UNC79: variants seen among roughly 807,000 people sequenced by gnomAD.
UNC79 encodes protein unc-79 homolog.
A neutral mutation model predicts 283.1 loss-of-function variants in UNC79; 37 were observed. The observed-to-expected ratio is 0.13, with a 90% CI of 0.10 to 0.17. The LOEUF is 0.17. Ranked by LOEUF, UNC79 falls within the 10% of genes least tolerant of loss-of-function variation. The probability of loss-of-function intolerance (pLI) is 1.00; values close to 1 mark genes in which losing one functional copy is unlikely to be tolerated. For missense variants in UNC79, 2,272 were observed against 3,211.1 expected, an observed-to-expected ratio of 0.71 and a Z score of 7.07; for synonymous variants, 1,107 against 1,200.2, an observed-to-expected ratio of 0.92 and a Z score of 1.61.
chr14:93,453,808 A>G (rs1319146769), intron 1 of UNC79, among the ~76,000 whole-genome samples: 1 of 152,218 alleles, frequency 6.6e-6, no homozygotes, highest in Non-Finnish European at 1.5e-5. Flanking sequence ...CCAACATTCA[A>G]CTTGAAGAAA....
chr14:93,389,437 G>T lies in UNC79; in HGVS notation c.-351+55914G>T, dbSNP rs565119066. 7.2e-5 allele frequency among the ~76,000 whole-genome samples: 11 copies of T among 152,226 alleles called. No homozygotes were observed. The South Asian group carries it at 2.3e-3, about 32-fold the overall frequency. ...CCCTGTGAGAAGGAGAAAAAAACTA[G>T]GTGAATCCTACAGTTGTCCAGTTCC... is the stretch of plus-strand genomic sequence containing the variant. On this transcript the variant is annotated intron_variant, in intron 1 of 49. Coordinates refer to the UNC79 transcript ENST00000256339.
intron 1 of UNC79, among the ~76,000 whole-genome samples, chr14:93,346,798 A>C (rs1186138251): frequency 1.3e-5 from 2 of 151,994 alleles, no homozygotes; most frequent in Non-Finnish European, 2.9e-5. Context: ...GAAAAGAGAT[A>C]CTTAGTGTGA....
chr14:93,427,393 GAT>G (rs910789566), upstream of UNC79, among the ~76,000 whole-genome samples: 7 of 152,020 alleles, frequency 4.6e-5, no homozygotes, highest in African/African-American at 1.2e-4. Context: ...GTTTTAAAAA[GAT>G]ATGTATAGTG....
chr14:93,597,487 G>C, exon 24 of UNC79: 1 of 1,614,074 alleles, frequency 6.2e-7, no homozygotes, highest in Non-Finnish European at 8.5e-7. Flanking sequence ...CAACCCCGCA[G>C]TGGCTACCAG....
intron 39 of UNC79, 136 bp downstream of exon 42, chr14:93,659,397 A>G (rs764345772): frequency 3.0e-6 from 2 of 670,870 alleles, no homozygotes; most frequent in Non-Finnish European, 4.9e-6. Flanking sequence ...CTTTTTCTTC[A>G]TGCTAGGTCA....
At chr14:93,619,070 T>C (rs1394451395) in intron 29 of UNC79, among the ~76,000 whole-genome samples, 1 of 152,184 alleles carries the variant, frequency 6.6e-6, no homozygotes, top group Non-Finnish European at 1.5e-5. Flanking sequence ...CACTGACCCT[T>C]TATGAGGTTA....
chr14:93,638,423 A>G (rs552375925), intron 32 of UNC79, among the ~76,000 whole-genome samples: 105 of 152,360 alleles, frequency 6.9e-4, no homozygotes, highest in African/African-American at 2.5e-3. Context: ...ACTCAGTAGC[A>G]GCAAAAGTGG....
intron 7 of UNC79, among the ~76,000 whole-genome samples, chr14:93,504,557 G>A (rs969415228): frequency 1.5e-4 from 23 of 148,588 alleles, no homozygotes; most frequent in Non-Finnish European, 2.7e-4. Context: ...ATGTGTAGAT[G>A]TCTTGCATAT....
intron 7 of UNC79, among the ~76,000 whole-genome samples, chr14:93,513,302 A>T (rs1403696240): frequency 1.3e-5 from 2 of 150,916 alleles, no homozygotes; most frequent in East Asian, 3.9e-4. Context: ...GCTCACTGCA[A>T]TCTTGAACTC....
intron 7 of UNC79, among the ~76,000 whole-genome samples, chr14:93,515,021 T>A (rs943043678): frequency 1.3e-5 from 2 of 152,174 alleles, no homozygotes; most frequent in Non-Finnish European, 2.9e-5. Flanking sequence ...CTCTCGTACA[T>A]CCTTTTATGC....
chr14:93,447,911 G>A (rs1286609924), intron 1 of UNC79, among the ~76,000 whole-genome samples: 1 of 151,944 alleles, frequency 6.6e-6, no homozygotes, highest in Non-Finnish European at 1.5e-5. Context: ...TTTAAGATCT[G>A]CTCTTTATTT....
chr14:93,350,542 T>C (rs2053963018), intron 1 of UNC79, among the ~76,000 whole-genome samples: 1 of 152,176 alleles, frequency 6.6e-6, no homozygotes, highest in Admixed American at 6.5e-5. Flanking sequence ...AGGAACGTTG[T>C]AAGTAATTAA....
At chr14:93,530,131 AC>A (rs2060737099) in intron 10 of UNC79, among the ~76,000 whole-genome samples, 1 of 152,082 alleles carries the variant, frequency 6.6e-6, no homozygotes, top group East Asian at 1.9e-4. Flanking sequence ...ACATGGTGAA[AC>A]CCCGTATAAA....
chr14:93,561,673 TA>T (rs767611949), intron 14 of UNC79, among the ~76,000 whole-genome samples: 11 of 151,958 alleles, frequency 7.2e-5, no homozygotes, highest in Non-Finnish European at 1.2e-4. Context: ...AGATTGAGTA[TA>T]AAAATAAAGA....
At chr14:93,526,927 A>AT (rs1192323924) in intron 8 of UNC79, among the ~76,000 whole-genome samples, 1 of 152,206 alleles carries the variant, frequency 6.6e-6, no homozygotes, top group African/African-American at 2.4e-5. Flanking sequence ...TTTGGGGAAA[A>AT]TTGATTAATC....
At chr14:93,684,636 TA>T (rs971444557) in intron 42 of UNC79, among the ~76,000 whole-genome samples, 4 of 152,110 alleles carry the variant, frequency 2.6e-5, no homozygotes, top group African/African-American at 9.7e-5. Context: ...TTAGAAAAAT[TA>T]AAAAAACTTG....
chr14:93,532,453 G>C, intron 10 of UNC79, 97 bp from the exon 11 acceptor site: 1 of 1,398,906 alleles, frequency 7.1e-7, no homozygotes. Flanking sequence ...CTGATTGACA[G>C]AGTGAGCCAC....
chr14:93,705,347 CAAAAAAAAAAAAAA>C (rs71129656), intron 48 of UNC79, among the ~76,000 whole-genome samples: 1 of 87,526 alleles, frequency 1.1e-5, no homozygotes. Context: ...CCCAGTCTCT[CAAAAAAAAAAAAAA>C]AAAAAAAAAA....
intron 38 of UNC79, among the ~76,000 whole-genome samples, chr14:93,656,260 G>C (rs2070918082): frequency 6.6e-6 from 1 of 152,134 alleles, no homozygotes; most frequent in African/African-American, 2.4e-5. Flanking sequence ...CCTGTTCCAT[G>C]AGGTTTTTTG....
Sources: allele counts gnomAD v4.1 joint callset (sites outside exome capture counted in the v4.1 genomes callset), GRCh38; gene constraint gnomAD v4.1.1; transcripts MANE v1.5; gene names NCBI Gene and HGNC (gene_info 2026-07-23, HGNC 2026-07-21).